The following GRIA3 variants were observed in gnomAD, a reference collection of about 807,000 sequenced individuals.
The protein encoded by GRIA3 is glutamate ionotropic receptor AMPA type subunit 3, also known as glutamate receptor 3.
Under a neutral mutation model 63.0 loss-of-function variants are expected in GRIA3, and 3 were observed. That is an observed-to-expected ratio of 0.05 (90% CI 0.02 to 0.12). The LOEUF (loss-of-function observed/expected upper bound fraction) is 0.12, where lower values mean the gene tolerates loss of function less well. GRIA3 is among the 10% of genes least tolerant of loss of function. The pLI, the probability that GRIA3 is intolerant of heterozygous loss-of-function variation, is 1.00. For missense variants in GRIA3, 347 were observed against 700.9 expected (o/e 0.50, Z 5.70); for synonymous variants, 274 against 257.9 (o/e 1.06, Z -0.60).
At chrX:123,276,644 A>C (rs753933698) in intron 3 of GRIA3, among the ~76,000 whole-genome samples, 1 of 112,143 alleles carries the variant, frequency 8.9e-6, no homozygotes, top group East Asian at 2.8e-4. Context: ...ATGCTCCCAA[A>C]GTTACACAGA....
intron 2 of GRIA3, among the ~76,000 whole-genome samples, chrX:123,204,104 G>C (rs887319282): frequency 3.6e-5 from 4 of 112,231 alleles, no homozygotes; most frequent in African/African-American, 1.3e-4. Context: ...ATTATTTGGA[G>C]TCTCAGGGCC....
intron 15 of GRIA3, among the ~76,000 whole-genome samples, chrX:123,483,666 C>T (rs2045924689): frequency 8.9e-6 from 1 of 112,539 alleles, no homozygotes; most frequent in Non-Finnish European, 1.9e-5. Flanking sequence ...GGCACGGTGG[C>T]TCACGCCTGT....
chrX:123,390,441 G>T (rs1293537319), intron 5 of GRIA3, among the ~76,000 whole-genome samples: 2 of 111,281 alleles, frequency 1.8e-5, no homozygotes, highest in Non-Finnish European at 3.8e-5. Flanking sequence ...GTTTTGTTTT[G>T]TTTTTTCAGA....
intron 1 of GRIA3, 133 bp from the exon 2 acceptor site, chrX:123,185,699 A>G (rs1927251629): frequency 1.8e-6 from 1 of 545,640 alleles, no homozygotes; most frequent in South Asian, 2.6e-5. Flanking sequence ...AAAGACACAC[A>G]GGTTGAATAT....
chrX:123,304,964 C>T (rs1432574336), intron 3 of GRIA3, among the ~76,000 whole-genome samples: 1 of 111,883 alleles, frequency 8.9e-6, no homozygotes, highest in Non-Finnish European at 1.9e-5. Context: ...TCAAAATGTT[C>T]AAAATCCATT....
chrX:123,187,921 C>T (rs1557544), intron 2 of GRIA3, among the ~76,000 whole-genome samples: 25,278 of 110,660 alleles, frequency 0.23, 2,747 homozygotes, highest in Middle Eastern at 0.39. Context: ...CCTCTCAGGG[C>T]AATAAGAGAA....
intron 3 of GRIA3, among the ~76,000 whole-genome samples, chrX:123,265,640 G>A (rs1414520007): frequency 8.0e-5 from 9 of 111,819 alleles, no homozygotes; most frequent in African/African-American, 2.9e-4. Flanking sequence ...GTGGATTCAT[G>A]CAGTCAAACC....
chrX:123,319,996 C>A (rs900806352), intron 3 of GRIA3, among the ~76,000 whole-genome samples: 39 of 111,634 alleles, frequency 3.5e-4, no homozygotes, highest in African/African-American at 9.8e-4. Flanking sequence ...CCAGAGTAAG[C>A]CTTGGCCATC....
At position 123,250,943 on chromosome X, in the gene GRIA3, T is replaced by G. The variant is rs180884964; in HGVS notation, c.269-2360T>G. On this transcript the variant is annotated intron_variant, in intron 2 of 15. Transcript: ENST00000620443. ...AATGATTACTTTTTAATAACATTAT[T>G]GGATTTGAGTACATGTGAGTGTGAG... Among the ~76,000 whole-genome samples, 266 of 112,127 alleles carry G rather than the reference T, an allele frequency of 2.4e-3. 1 individual carries two copies. Among genetic ancestry groups the G allele is most frequent in the African/African-American group, 8.3e-3 (255 of 30,889 alleles).
chrX:123,454,381 A>G (rs1397172850), intron 12 of GRIA3, among the ~76,000 whole-genome samples: 1 of 112,017 alleles, frequency 8.9e-6, no homozygotes, highest in Non-Finnish European at 1.9e-5. Flanking sequence ...TGAGAATTAC[A>G]TGAGTTAACA....
chrX:123,354,843 C>G, intron 4 of GRIA3, 67 bp from the exon 5 acceptor site: 1 of 773,755 alleles, frequency 1.3e-6, no homozygotes, highest in Non-Finnish European at 2.0e-6. Flanking sequence ...TCTAGCCACC[C>G]CACTGATTGT....
intron 4 of GRIA3, among the ~76,000 whole-genome samples, chrX:123,335,263 T>C (rs761615383): frequency 8.1e-5 from 9 of 110,760 alleles, no homozygotes; most frequent in Non-Finnish European, 1.5e-4. Context: ...CATTTACCTC[T>C]ATCCTTAGAA....
At chrX:123,343,154 G>T (rs186944691) in intron 4 of GRIA3, among the ~76,000 whole-genome samples, 33 of 111,738 alleles carry the variant, frequency 3.0e-4, no homozygotes, top group Admixed American at 1.8e-3. Context: ...TCAATGAGAT[G>T]AAGTGTGTGA....
intron 5 of GRIA3, among the ~76,000 whole-genome samples, chrX:123,364,078 T>C (rs1470908104): frequency 3.6e-5 from 4 of 111,606 alleles, no homozygotes; most frequent in South Asian, 3.8e-4. Flanking sequence ...CCAAATAGAA[T>C]TGGTGAAATG....
intron 11 of GRIA3, among the ~76,000 whole-genome samples, chrX:123,426,130 T>C (rs2045588453): frequency 9.0e-6 from 1 of 111,530 alleles, no homozygotes; most frequent in African/African-American, 3.3e-5. Flanking sequence ...GTTCTCTTCC[T>C]GTGAGTTTTT....
chrX:123,418,607 C>T (rs976841547), intron 11 of GRIA3, among the ~76,000 whole-genome samples: 17 of 112,133 alleles, frequency 1.5e-4, no homozygotes, highest in African/African-American at 5.5e-4. Context: ...ATGGACATTT[C>T]CCCAAAGAAG....
chrX:123,346,715 A>C (rs1055438499), intron 4 of GRIA3, among the ~76,000 whole-genome samples: 4 of 111,798 alleles, frequency 3.6e-5, no homozygotes, highest in African/African-American at 1.3e-4. Context: ...CTGGGTTATA[A>C]TTGTCTGTTA....
chrX:123,407,253 C>T (rs904560061), intron 10 of GRIA3, among the ~76,000 whole-genome samples: 3 of 111,362 alleles, frequency 2.7e-5, no homozygotes, highest in Non-Finnish European at 3.8e-5. Context: ...CCTCACAACA[C>T]GCCTCTGGGG....
intron 3 of GRIA3, among the ~76,000 whole-genome samples, chrX:123,266,435 A>G (rs1162625478): frequency 2.7e-5 from 3 of 111,434 alleles, no homozygotes; most frequent in Non-Finnish European, 5.7e-5. Context: ...TAGAAACCTC[A>G]TCCTTGAATC....
Sources: gnomAD v4.1 joint callset for allele counts (sites outside exome capture counted in the v4.1 genomes callset) on GRCh38, gnomAD v4.1.1 for gene constraint, MANE v1.5 for transcripts, NCBI Gene and HGNC (gene_info 2026-07-23, HGNC 2026-07-21) for gene names.